The following PRKG1 variants were observed in gnomAD, a reference collection of about 807,000 sequenced individuals.
PRKG1 encodes cGMP-dependent protein kinase 1.
In PRKG1, 35 loss-of-function variants were observed where a neutral mutation model predicts 88.1. That is an observed-to-expected ratio of 0.40 (90% CI 0.30 to 0.53). The LOEUF is 0.53. Ranked by LOEUF, PRKG1 falls within the 20% of genes least tolerant of loss-of-function variation. PRKG1 has a pLI of 0.59. For synonymous variants in PRKG1, 303 were observed against 292.5 expected, an observed-to-expected ratio of 1.04 and a Z score of -0.37; for missense variants, 540 against 839.8, an observed-to-expected ratio of 0.64 and a Z score of 4.41.
chr10:51,248,783 A>C (rs1312856748), intron 2 of PRKG1, among the ~76,000 whole-genome samples: 1 of 150,988 alleles, frequency 6.6e-6, no homozygotes, highest in Non-Finnish European at 1.5e-5. Context: ...TATGTCATGT[A>C]GATGGCTACA....
At chr10:51,969,508 C>T (rs982357529) in intron 5 of PRKG1, among the ~76,000 whole-genome samples, 3 of 152,070 alleles carry the variant, frequency 2.0e-5, no homozygotes, top group Non-Finnish European at 4.4e-5. Flanking sequence ...TTTGAAACCA[C>T]TTTATTTTCC....
Position 51,653,603 on chromosome 10 carries a change from G to C in PRKG1, c.593-150982G>C, listed in dbSNP as rs910287457. Among the ~76,000 whole-genome samples, 3 of 151,656 alleles carry C rather than the reference G, an allele frequency of 2.0e-5. No homozygotes were observed. The East Asian group carries it at 5.8e-4, about 29-fold the overall frequency. On this transcript the variant is annotated intron_variant, in intron 3 of 17. Coordinates refer to ENST00000373980, the MANE Select transcript of PRKG1 (RefSeq NM_006258.4). ...TTTTTCCTTTGTAGAGTCTCGCCCT[G>C]TTGCCCAGGCTGGAGTGCAGTGGTG...
At chr10:51,716,005 A>T (rs1228108009) in intron 3 of PRKG1, among the ~76,000 whole-genome samples, 1 of 152,144 alleles carries the variant, frequency 6.6e-6, no homozygotes. Context: ...CTTCCCCCAA[A>T]TGCTGAGGCT....
chr10:51,716,287 C>T (rs1415828491), intron 3 of PRKG1, among the ~76,000 whole-genome samples: 4 of 152,172 alleles, frequency 2.6e-5, no homozygotes, highest in African/African-American at 9.7e-5. Context: ...CAGTCCGTCA[C>T]CCCTGTTTTT....
rs571915175 is a variant in PRKG1 at position 51,086,526 on chromosome 10, T to C, written c.311+11625T>C. 2.0e-5 allele frequency among the ~76,000 whole-genome samples: 3 copies of C among 152,336 alleles called. No individual in the cohort carries two copies. The South Asian group carries it at 6.2e-4, about 32-fold the overall frequency. On this transcript the variant is annotated intron_variant, in intron 1 of 17. Transcript: ENST00000373980. ...GTTTTTAAATAATTATAATAACTTT[T>C]TTCCAAAAATTCTGATATTTGAAGA...
intron 3 of PRKG1, among the ~76,000 whole-genome samples, chr10:51,626,836 C>T (rs868713877): frequency 5.9e-5 from 9 of 152,192 alleles, no homozygotes; most frequent in African/African-American, 1.4e-4. Context: ...AGTACCTATG[C>T]GGGAGTTTGA....
chr10:51,885,424 G>A (rs1416829339), intron 4 of PRKG1, among the ~76,000 whole-genome samples: 1 of 152,224 alleles, frequency 6.6e-6, no homozygotes, highest in Non-Finnish European at 1.5e-5. Flanking sequence ...TCTGCAAAAT[G>A]CAATTGACTT....
At position 51,825,441 on chromosome 10, in the gene PRKG1, G is replaced by A. The variant is rs577131466; in HGVS notation, c.698+20751G>A. Among the ~76,000 whole-genome samples the A allele has an allele frequency of 2.6e-5, 4 of 152,178 alleles. No homozygotes were observed. In the East Asian group the frequency reaches 5.8e-4, roughly 22 times the overall value. On this transcript the variant is annotated intron_variant, in intron 4 of 17. Coordinates refer to ENST00000373980, the MANE Select transcript of PRKG1 (RefSeq NM_006258.4). ...AAAAAGTACAGTAGGTGTTCCAAAT[G>A]GACAGAAAAATCAAGAAAAAATTTA...
rs1052752630 is a variant in PRKG1 at position 52,008,746 on chromosome 10, A to G, written c.763-45738A>G. On this transcript the variant is annotated intron_variant, in intron 5 of 17. Transcript: ENST00000373980. Reference sequence around the variant, plus strand: ...AGTTTCCTCCCCAGTTTTTTGGAACAGTTTCAACAGGAATGTAATAGATAT... The same window carrying G: ...AGTTTCCTCCCCAGTTTTTTGGAACGGTTTCAACAGGAATGTAATAGATAT... 3.3e-5 allele frequency among the ~76,000 whole-genome samples: 5 copies of G among 151,922 alleles called. No homozygotes were observed. The South Asian group carries it at 1.0e-3, about 31-fold the overall frequency.
chr10:52,033,219 G>A (rs1845514962), intron 5 of PRKG1, among the ~76,000 whole-genome samples: 1 of 152,142 alleles, frequency 6.6e-6, no homozygotes, highest in Non-Finnish European at 1.5e-5. Context: ...CAAAGCACCT[G>A]GGAAGGAAAC....
chr10:51,830,724 G>A (rs1383114298), intron 4 of PRKG1, among the ~76,000 whole-genome samples: 1 of 151,728 alleles, frequency 6.6e-6, no homozygotes, highest in Non-Finnish European at 1.5e-5. Context: ...GCCACACCAG[G>A]CTAATTTTTG....
chr10:52,274,113 T>A (rs997689761), intron 12 of PRKG1, among the ~76,000 whole-genome samples: 1 of 152,020 alleles, frequency 6.6e-6, no homozygotes, highest in Non-Finnish European at 1.5e-5. Flanking sequence ...CAGCTATCCC[T>A]CTTATAGCTT....
intron 2 of PRKG1, among the ~76,000 whole-genome samples, chr10:51,366,147 TATTTCTCTGGTATA>T (rs1260009363): frequency 3.3e-5 from 5 of 151,942 alleles, no homozygotes; most frequent in African/African-American, 1.2e-4. Flanking sequence ...TTTCTCATTT[TATTTCTCTGGTATA>T]ATTTCTCTGG....
At chr10:52,278,118 A>G (rs1841917249) in intron 12 of PRKG1, among the ~76,000 whole-genome samples, 1 of 115,032 alleles carries the variant, frequency 8.7e-6, no homozygotes, top group Non-Finnish European at 1.7e-5. Flanking sequence ...AATTTACAAG[A>G]AAAAAAACAG....
intron 9 of PRKG1, among the ~76,000 whole-genome samples, chr10:52,239,932 T>C (rs1395041430): frequency 6.6e-6 from 1 of 152,202 alleles, no homozygotes; most frequent in East Asian, 1.9e-4. Flanking sequence ...GTTTCTAATA[T>C]TATAGTCATC....
chr10:51,764,477 C>T (rs929488965), intron 3 of PRKG1, among the ~76,000 whole-genome samples: 2 of 152,098 alleles, frequency 1.3e-5, no homozygotes, highest in Admixed American at 1.3e-4. Context: ...GTCAATCTTG[C>T]TCTGTGAATG....
chr10:51,220,733 A>T (rs1312205449), intron 2 of PRKG1, among the ~76,000 whole-genome samples: 1 of 152,158 alleles, frequency 6.6e-6, no homozygotes, highest in African/African-American at 2.4e-5. Flanking sequence ...GTTTGTATGT[A>T]TAGGGAAGTT....
At chr10:52,159,494 GGAT>G (rs937128137) in intron 8 of PRKG1, among the ~76,000 whole-genome samples, 1 of 151,308 alleles carries the variant, frequency 6.6e-6, no homozygotes, top group African/African-American at 2.4e-5. Flanking sequence ...AAGCTCATTG[GGAT>G]GATTAGATGG....
At chr10:51,872,601 A>G (rs1841186923) in intron 4 of PRKG1, among the ~76,000 whole-genome samples, 1 of 152,146 alleles carries the variant, frequency 6.6e-6, no homozygotes, top group Non-Finnish European at 1.5e-5. Context: ...TTTTAGCATC[A>G]TTAAATAACT....
Sources: allele counts gnomAD v4.1 joint callset (sites outside exome capture counted in the v4.1 genomes callset), GRCh38; gene constraint gnomAD v4.1.1; transcripts MANE v1.5; gene names NCBI Gene and HGNC (gene_info 2026-07-23, HGNC 2026-07-21).